Variants in RBMS3 observed in about 807,000 individuals in gnomAD.
RBMS3 encodes RNA-binding motif, single-stranded-interacting protein 3.
Under a neutral mutation model 66.8 loss-of-function variants are expected in RBMS3, and 27 were observed. The ratio of observed to expected loss-of-function variants is 0.40; its 90% CI spans 0.30 to 0.56. RBMS3 has a LOEUF of 0.56. Among genes scored for constraint, RBMS3 ranks in the 20% least tolerant of loss-of-function variants. The pLI is 0.40. For synonymous variants in RBMS3, 188 were observed against 183.0 expected (o/e 1.03, Z -0.22); for missense variants, 513 against 549.5 (o/e 0.93, Z 0.66).
chr3:29,337,281 T>G (rs1039542308), intron 1 of RBMS3, among the ~76,000 whole-genome samples: 5 of 152,018 alleles, frequency 3.3e-5, no homozygotes, highest in Non-Finnish European at 7.4e-5. Flanking sequence ...TCAAAATTAT[T>G]TTTCTATATG....
chr3:29,456,414 A>G (rs972666646), intron 2 of RBMS3, among the ~76,000 whole-genome samples: 1 of 152,196 alleles, frequency 6.6e-6, no homozygotes, highest in South Asian at 2.1e-4. Context: ...TATCTGCACA[A>G]TGGATTCACA....
At chr3:29,871,602 T>C (rs796770673) in intron 7 of RBMS3, among the ~76,000 whole-genome samples, 2 of 152,250 alleles carry the variant, frequency 1.3e-5, no homozygotes, top group African/African-American at 4.8e-5. Context: ...TTTGAATCCT[T>C]TTCTTAGATA....
At position 29,652,022 on chromosome 3, in the gene RBMS3, TCTC is replaced by T. The variant is rs199795031; in HGVS notation, c.399+64823_399+64825del. Among the ~76,000 whole-genome samples the T allele has an allele frequency of 5.5e-3, 838 of 152,252 alleles. 9 individuals carry two copies. The highest frequency in any genetic ancestry group is 0.019 in the African/African-American group (793 of 41,550). ...TACGCACATAAATATGTAACTATAT[TCTC>T]CTCCTTCTCTTTGGATAACTACTGA... On this transcript the variant is annotated intron_variant, in intron 4 of 14. Transcript: ENST00000383767.
At chr3:29,573,621 C>T (rs1011871489) in intron 3 of RBMS3, among the ~76,000 whole-genome samples, 1 of 152,048 alleles carries the variant, frequency 6.6e-6, no homozygotes, top group Non-Finnish European at 1.5e-5. Context: ...TTAAATCATA[C>T]TTGCATTTTT....
At chr3:29,911,953 T>C (rs576371071) in intron 10 of RBMS3, among the ~76,000 whole-genome samples, 2 of 151,866 alleles carry the variant, frequency 1.3e-5, no homozygotes, top group South Asian at 2.1e-4. Flanking sequence ...ATTCACATGA[T>C]AGAAAAATGG....
chr3:29,559,230 G>GA (rs935289355), intron 3 of RBMS3, among the ~76,000 whole-genome samples: 17 of 151,360 alleles, frequency 1.1e-4, no homozygotes, highest in Middle Eastern at 3.4e-3. Context: ...TTGAGAAAAA[G>GA]AAAAAAAATC....
intron 6 of RBMS3, among the ~76,000 whole-genome samples, chr3:29,778,429 CTT>C (rs36069878): frequency 1.3e-4 from 19 of 143,050 alleles, no homozygotes; most frequent in South Asian, 2.2e-4. Context: ...TATCAATAAA[CTT>C]TTTTTTTTTT....
chr3:29,497,857 A>G (rs2043811600), intron 3 of RBMS3, among the ~76,000 whole-genome samples: 1 of 151,904 alleles, frequency 6.6e-6, no homozygotes. Flanking sequence ...TTGATGTTAT[A>G]TCAATGGAAA....
intron 3 of RBMS3, among the ~76,000 whole-genome samples, chr3:29,526,913 A>T (rs1361281505): frequency 6.6e-6 from 1 of 151,638 alleles, no homozygotes; most frequent in Non-Finnish European, 1.5e-5. Flanking sequence ...CATGCTAAGC[A>T]TTTATTTTCA....
intron 4 of RBMS3, among the ~76,000 whole-genome samples, chr3:29,639,805 T>C (rs776391120): frequency 2.0e-5 from 3 of 151,708 alleles, no homozygotes; most frequent in Non-Finnish European, 2.9e-5. Flanking sequence ...ACTTCCCTGG[T>C]TTTTCTTGGA....
chr3:29,920,107 TAAG>T (rs1400775450), intron 10 of RBMS3, among the ~76,000 whole-genome samples: 1 of 152,072 alleles, frequency 6.6e-6, no homozygotes, highest in African/African-American at 2.4e-5. Context: ...ATGGCAGTAA[TAAG>T]AAGCAAGATC....
intron 6 of RBMS3, among the ~76,000 whole-genome samples, chr3:29,827,141 T>C: frequency 6.6e-6 from 1 of 152,114 alleles, no homozygotes; most frequent in East Asian, 1.9e-4. Context: ...TGCTATATGG[T>C]CATGGGGGCT....
chr3:29,394,253 C>T (rs891213372), intron 1 of RBMS3, among the ~76,000 whole-genome samples: 1 of 152,134 alleles, frequency 6.6e-6, no homozygotes, highest in African/African-American at 2.4e-5. Flanking sequence ...TCGCTTTCTG[C>T]AAGAAGAGAA....
At chr3:29,698,760 G>A (rs2052393440) in intron 4 of RBMS3, 2 of 415,058 alleles carry the variant, frequency 4.8e-6, no homozygotes, top group Non-Finnish European at 6.5e-6. Flanking sequence ...ATAATTTATA[G>A]AGCTTATTTT....
At chr3:29,786,549 A>G (rs2056827436) in intron 6 of RBMS3, among the ~76,000 whole-genome samples, 1 of 152,118 alleles carries the variant, frequency 6.6e-6, no homozygotes, top group Admixed American at 6.5e-5. Context: ...AAATACTTAC[A>G]ACCAACTGAT....
intron 3 of RBMS3, among the ~76,000 whole-genome samples, chr3:29,557,485 A>G (rs964157339): frequency 2.0e-5 from 3 of 152,212 alleles, no homozygotes; most frequent in African/African-American, 7.2e-5. Context: ...TTAGGTAGCA[A>G]GATAGAAAAG....
chr3:29,398,892 G>A (rs531041276), intron 1 of RBMS3, among the ~76,000 whole-genome samples: 136 of 152,284 alleles, frequency 8.9e-4, no homozygotes, highest in African/African-American at 2.9e-3. Flanking sequence ...TTAAGAGGAC[G>A]ATTGGTTTTG....
Position 29,936,271 on chromosome 3 carries a change from A to G in RBMS3, c.1050+75A>G. 4.5e-6 allele frequency: 6 copies of G among 1,329,192 alleles called. No homozygotes were observed. The South Asian group carries it at 7.7e-5, about 17-fold the overall frequency. The allele number at this position is 1,329,192 out of a possible 1,614,324, so 82.3% of individuals were successfully genotyped here. A position where few individuals can be genotyped will look rare whatever the true frequency, so the allele number is the denominator to read the frequency against. ...GATATTCTCCATTTTTACTGGCATT[A>G]TCAGTGAAACTGTGTCTGTACCATA... On this transcript the variant is annotated intron_variant, in intron 11 of 14. Coordinates refer to ENST00000383767, the MANE Select transcript of RBMS3 (RefSeq NM_001003793.3).
intron 6 of RBMS3, among the ~76,000 whole-genome samples, chr3:29,795,905 A>G (rs1385252100): frequency 1.3e-5 from 2 of 152,224 alleles, no homozygotes; most frequent in African/African-American, 4.8e-5. Flanking sequence ...GTACCAGCCT[A>G]TTTTGAATAA....
Sources: gnomAD v4.1 joint callset for allele counts (sites outside exome capture counted in the v4.1 genomes callset) on GRCh38, gnomAD v4.1.1 for gene constraint, MANE v1.5 for transcripts, NCBI Gene and HGNC (gene_info 2026-07-23, HGNC 2026-07-21) for gene names.